Variants in CA11 observed in about 807,000 individuals in gnomAD.
CA11 encodes the protein carbonic anhydrase-related protein 11.
Under a neutral mutation model 39.3 loss-of-function variants are expected in CA11, and 20 were observed. The observed-to-expected ratio is 0.51, with a 90% CI of 0.36 to 0.74. CA11 has a LOEUF of 0.74. Ranked by LOEUF, CA11 falls within the 30% of genes least tolerant of loss-of-function variation. The pLI is 0.00. For synonymous variants in CA11, 166 were observed against 172.5 expected, an observed-to-expected ratio of 0.96 and a Z score of 0.29; for missense variants, 336 against 424.6, an observed-to-expected ratio of 0.79 and a Z score of 1.83.
intron 3 of CA11, among the ~76,000 whole-genome samples, chr19:48,644,216 C>T (rs1287459725): frequency 6.6e-6 from 1 of 152,140 alleles, no homozygotes; most frequent in Non-Finnish European, 1.5e-5. Context: ...TTCTGCTTTT[C>T]ATTGCTTCTG....
At position 48,638,976 on chromosome 19, in the gene CA11, C is replaced by T. The variant is rs750505486; in HGVS notation, c.873G>A (p.Leu291=). 1.2e-6 allele frequency: 2 copies of T among 1,613,736 alleles called. No individual in the cohort carries two copies. Among genetic ancestry groups the T allele is most frequent in the Non-Finnish European group, 1.7e-6 (2 of 1,179,882 alleles). ...FQSLSGNSRP[L]QPLAHRALRG... ...TCAGTGCCCTGTGGGCCAAGGGCTG[C>T]AGGGGCCGGCTGTTACCGCTGAGGC... Residue 291 remains leucine, a synonymous_variant, in exon 8 of 9, where the codon CTG becomes CTA. Coordinates refer to ENST00000084798, the MANE Select transcript of CA11 (RefSeq NM_001217.5).
At chr19:48,645,369 G>A (rs1335455367) in intron 2 of CA11, 34 bp downstream of exon 2, 1 of 1,549,112 alleles carries the variant, frequency 6.5e-7, no homozygotes, top group South Asian at 1.2e-5. Flanking sequence ...GGCGCCGGGA[G>A]GGCCGGACTC....
intron 8 of CA11, 66 bp from the exon 9 acceptor site, chr19:48,638,210 G>T (rs1300792630): frequency 1.8e-5 from 21 of 1,195,420 alleles, no homozygotes; most frequent in Middle Eastern, 2.6e-4. Context: ...GGTGTGCAGG[G>T]GGCGTGGGCT....
intron 2 of CA11, among the ~76,000 whole-genome samples, 184 bp downstream of exon 2, chr19:48,645,219 C>T (rs912648537): frequency 1.3e-4 from 20 of 152,102 alleles, no homozygotes; most frequent in African/African-American, 4.8e-4. Flanking sequence ...ACTTGAAATG[C>T]GCATGTATAA....
intron 2 of CA11, among the ~76,000 whole-genome samples, chr19:48,644,956 C>T (rs2031201923): frequency 6.6e-6 from 1 of 152,140 alleles, no homozygotes; most frequent in Non-Finnish European, 1.5e-5. Context: ...CCCAGTGCTA[C>T]CAGCCTACCC....
At chr19:48,645,221 C>T (rs2031210374) in intron 2 of CA11, among the ~76,000 whole-genome samples, 182 bp downstream of exon 2, 1 of 152,094 alleles carries the variant, frequency 6.6e-6, no homozygotes, top group Non-Finnish European at 1.5e-5. Context: ...TTGAAATGCG[C>T]ATGTATAATG....
chr19:48,644,660 C>G, intron 2 of CA11, 91 bp from the exon 3 acceptor site: 1 of 1,117,964 alleles, frequency 8.9e-7, no homozygotes, highest in Non-Finnish European at 1.2e-6. Context: ...GTGGTCTGGA[C>G]TCCCAGATCC....
In CA11 at chr19:48,644,472, A is replaced by G; in HGVS notation, c.240T>C (p.Tyr80=). ...GCCTTAATGGGGGCAGAAAGGGGTC[A>G]TAAAGAACCCTCTTCAGCTCCACAT... ...PVDVELKRVL[Y]DPFLPPLRLS... Residue 80 remains tyrosine (Y), a synonymous_variant, in exon 3 of 9, where the codon TAT becomes TAC. Coordinates refer to ENST00000084798, the MANE Select transcript of CA11 (RefSeq NM_001217.5). 1.2e-6 allele frequency: 2 copies of G among 1,611,450 alleles called. No homozygotes were observed. Among genetic ancestry groups the G allele is most frequent in the Non-Finnish European group, 1.7e-6 (2 of 1,178,204 alleles).
intron 7 of CA11, 107 bp from the exon 8 acceptor site, chr19:48,639,160 G>GC (rs2030975626): frequency 6.6e-7 from 1 of 1,526,018 alleles, no homozygotes; most frequent in South Asian, 1.2e-5. Flanking sequence ...TCTGTTCTCA[G>GC]CCCCACCCAC....
intron 5 of CA11, 44 bp from the exon 6 acceptor site, chr19:48,639,665 A>G (rs770843857): frequency 2.5e-6 from 4 of 1,607,026 alleles, no homozygotes; most frequent in Admixed American, 1.7e-5. Context: ...CCAGAAGTCC[A>G]AGCCCTCAAC....
rs2030962528 is a variant in CA11, at chr19:48,639,023, G to T, written c.826C>A (p.Pro276Thr). ...AGGCTCTGGAAGATCTGAGATGGAGGATTCTGGCTCAGGAGTCTCAGGGAG... is the reference window on the plus strand; with the variant it reads ...AGGCTCTGGAAGATCTGAGATGGAGTATTCTGGCTCAGGAGTCTCAGGGAG... ...MHSLRLLSQN[P>T]PSQIFQSLSG... The change falls in exon 8 of 9, where the codon CCT becomes ACT. Residue 276 changes from proline (P) to threonine (T), a missense_variant. Physicochemically the swap from Pro to Thr is conservative, Grantham distance 38 (BLOSUM62 -1). Coordinates refer to ENST00000084798, the MANE Select transcript of CA11 (RefSeq NM_001217.5). 1 of 1,613,928 alleles carries T rather than the reference G, an allele frequency of 6.2e-7. No individual in the cohort carries two copies. The highest frequency in any genetic ancestry group is 1.3e-5 in the African/African-American group (1 of 74,920).
intron 3 of CA11, 34 bp from the exon 4 acceptor site, chr19:48,640,314 G>A (rs1353636234): frequency 6.4e-7 from 1 of 1,567,942 alleles, no homozygotes; most frequent in Admixed American, 1.8e-5. Context: ...AGGGGGCAGG[G>A]AGAGATCTTT....
At chr19:48,644,135 T>C (rs996407594) in intron 3 of CA11, among the ~76,000 whole-genome samples, 13 of 152,058 alleles carry the variant, frequency 8.5e-5, no homozygotes, top group South Asian at 6.2e-4. Context: ...ATAATAATTG[T>C]ACCCATTTTG....
intron 3 of CA11, 86 bp from the exon 4 acceptor site, chr19:48,640,366 T>TG: frequency 1.5e-6 from 1 of 648,112 alleles, no homozygotes; most frequent in Non-Finnish European, 2.4e-6. Context: ...ATTCCAACAG[T>TG]CTTTTTTTTT....
intron 3 of CA11, 114 bp downstream of exon 3, chr19:48,644,313 C>T: frequency 2.1e-6 from 2 of 965,860 alleles, no homozygotes; most frequent in South Asian, 2.2e-5. Flanking sequence ...TCTCCACCCA[C>T]TGGGTGTCCC....
rs2031021869 is a variant in CA11 at position 48,640,126 on chromosome 19, T to A, written c.440A>T (p.His147Leu). Residue 147 changes from histidine (H) to leucine (L), a missense_variant, in exon 4 of 9, where the codon CAT (histidine) becomes CTT (leucine). Physicochemically the swap from His to Leu is moderately conservative, Grantham distance 99. Transcript: ENST00000084798. The part of the protein sequence containing the change: ...FGARDGAGSE[H>L]QINHQGFSAE... ...AGAGAAGCCCTGGTGGTTGATCTGA[T>A]GTTCCGAGCCGGCTCCGTCGCGAGC... 1 of 1,613,794 alleles carries A rather than the reference T, an allele frequency of 6.2e-7. No individual in the cohort carries two copies. Among genetic ancestry groups the A allele is most frequent in the Non-Finnish European group, 8.5e-7 (1 of 1,179,924 alleles).
intron 2 of CA11, 33 bp downstream of exon 2, chr19:48,645,370 G>A: frequency 6.5e-7 from 1 of 1,550,068 alleles, no homozygotes; most frequent in Non-Finnish European, 8.7e-7. Flanking sequence ...GCGCCGGGAG[G>A]GCCGGACTCC....
Position 48,638,114 on chromosome 19 carries a change from G to A in CA11, c.*5C>T, listed in dbSNP as rs779876565. ...ACGGGCGGGTGCAATCCTCGAAGGG[G>A]AGTCTCAGCGACCATGGGGGACACC... is the stretch of plus-strand genomic sequence containing the variant. On this transcript the variant is annotated 3_prime_UTR_variant, in exon 9 of 9. Transcript: ENST00000084798. 56 of 1,428,162 alleles carry A rather than the reference G, an allele frequency of 3.9e-5. No individual in the cohort carries two copies. Among genetic ancestry groups the A allele is most frequent in the Non-Finnish European group, 3.2e-5 (35 of 1,088,872 alleles). The allele number at this position is 1,428,162 out of a possible 1,614,324, so 88.5% of individuals were successfully genotyped here.
chr19:48,640,330 C>A, intron 3 of CA11, 50 bp from the exon 4 acceptor site: 2 of 1,244,996 alleles, frequency 1.6e-6, no homozygotes, highest in South Asian at 1.3e-5. Context: ...TCTTTTATCT[C>A]TCGTTTCCCA....
Sources: gnomAD v4.1 joint callset for allele counts (sites outside exome capture counted in the v4.1 genomes callset) on GRCh38, gnomAD v4.1.1 for gene constraint, MANE v1.5 for transcripts, NCBI Gene and HGNC (gene_info 2026-07-23, HGNC 2026-07-21) for gene names.